The following HOPX variants were observed in gnomAD, a reference collection of about 807,000 sequenced individuals.
HOPX encodes HOP homeobox.
HOPX carries 5 observed loss-of-function variants against 11.8 expected under a neutral mutation model. The observed-to-expected ratio is 0.43, with a 90% CI of 0.22 to 0.89. The LOEUF (loss-of-function observed/expected upper bound fraction) is 0.89. Ranked by LOEUF, HOPX falls within the 40% of genes least tolerant of loss-of-function variation. The pLI is 0.28. For missense variants in HOPX, 119 were observed against 120.0 expected (o/e 0.99, Z 0.04); for synonymous variants, 49 against 49.7 (o/e 0.99, Z 0.06).
upstream of HOPX, chr4:56,681,589 G>A: frequency 4.0e-6 from 4 of 1,000,060 alleles, no homozygotes; most frequent in Non-Finnish European, 4.8e-6. Flanking sequence ...GGATAAGAGA[G>A]ATGTGGCTGA....
intron 3 of HOPX, among the ~76,000 whole-genome samples, chr4:56,653,420 G>T (rs1578328590): frequency 6.6e-6 from 1 of 152,112 alleles, no homozygotes; most frequent in African/African-American, 2.4e-5. Flanking sequence ...GAAGATGAAA[G>T]AAGAAATCAT....
chr4:56,681,590 A>C (rs1719326942), upstream of HOPX: 3 of 999,942 alleles, frequency 3.0e-6, 1 homozygote, highest in African/African-American at 1.7e-5. Context: ...GATAAGAGAG[A>C]TGTGGCTGAG....
intron 1 of HOPX, chr4:56,680,892 A>G (rs1719292062): frequency 3.9e-6 from 1 of 257,480 alleles, no homozygotes; most frequent in Non-Finnish European, 6.1e-6. Context: ...ATGTAGAATA[A>G]CAATAATCTG....
At chr4:56,651,837 G>A (rs906630038) in intron 3 of HOPX, among the ~76,000 whole-genome samples, 1 of 150,388 alleles carries the variant, frequency 6.6e-6, no homozygotes, top group East Asian at 2.0e-4. Flanking sequence ...TGCTTGAATT[G>A]AAGAGAAAGG....
intron 3 of HOPX, chr4:56,650,555 G>A: frequency 1.0e-6 from 1 of 971,444 alleles, no homozygotes; most frequent in Non-Finnish European, 1.5e-6. Flanking sequence ...GGCTCTGCAG[G>A]ACTGCTTTGG....
intron 1 of HOPX, among the ~76,000 whole-genome samples, chr4:56,667,317 T>C (rs1422325483): frequency 1.3e-5 from 2 of 152,228 alleles, no homozygotes; most frequent in Non-Finnish European, 2.9e-5. Flanking sequence ...CGTTAGACAT[T>C]TTCAAAGAGA....
chr4:56,663,641 A>G (rs1430869791), intron 1 of HOPX: 4 of 152,066 alleles, frequency 2.6e-5, no homozygotes, highest in African/African-American at 9.7e-5. Flanking sequence ...ACCTGCCACC[A>G]CGCCCGACTA....
chr4:56,680,584 C>G (rs958146411), intron 1 of HOPX: 2 of 151,938 alleles, frequency 1.3e-5, no homozygotes, highest in South Asian at 2.1e-4. Flanking sequence ...CCTTTTTATT[C>G]AATGATTCTT....
At chr4:56,672,266 C>T (rs914394181) in intron 1 of HOPX, among the ~76,000 whole-genome samples, 1 of 151,916 alleles carries the variant, frequency 6.6e-6, no homozygotes, top group Non-Finnish European at 1.5e-5. Context: ...TGGCTGGGTA[C>T]AGTGGTTCAT....
rs1055935740 is a variant in HOPX, at chr4:56,654,047, T to C, written c.198+1810A>G. 4.6e-5 allele frequency among the ~76,000 whole-genome samples: 7 copies of C among 152,236 alleles called. 1 individual carries two copies. Among genetic ancestry groups the C allele is most frequent in the Admixed American group, 1.3e-4 (2 of 15,284 alleles). On this transcript the variant is annotated intron_variant, in intron 3 of 3. Coordinates refer to ENST00000420433, the MANE Select transcript of HOPX (RefSeq NM_032495.6). ...CCTCCTGCTCATCTAGTGATTTCTA[T>C]GCCTCCTCTGTAGAGAGAGCATAGC...
intron 1 of HOPX, chr4:56,664,870 T>C (rs1172780788): frequency 6.6e-6 from 1 of 152,226 alleles, no homozygotes; most frequent in Non-Finnish European, 1.5e-5. Flanking sequence ...AGGAAGGTGA[T>C]AACAAGGAGG....
chr4:56,663,578 C>T (rs1718269424), intron 1 of HOPX: 1 of 152,214 alleles, frequency 6.6e-6, no homozygotes, highest in African/African-American at 2.4e-5. Flanking sequence ...CTCCGCCTCC[C>T]AGATTCAAGC....
Position 56,655,980 on chromosome 4 carries a change from G to A in HOPX, c.75C>T (p.Ser25=), listed in dbSNP as rs1216376340. 1.9e-5 allele frequency: 31 copies of A among 1,606,810 alleles called. No individual in the cohort carries two copies. The highest frequency in any genetic ancestry group is 2.2e-5 in the Non-Finnish European group (26 of 1,177,190). ...TTTCCACCTGGTCCTCTGTGGGGCCGCTCGCGGTCTCCGCCGACATGGTCC... is the reference window on the plus strand; with the variant it reads ...TTTCCACCTGGTCCTCTGTGGGGCCACTCGCGGTCTCCGCCGACATGGTCC... ...RAGTMSAETA[S]GPTEDQVEIL... is the part of the protein sequence containing the mutation. Residue 25 remains serine (S), a synonymous_variant, in exon 3 of 4, where the codon AGC becomes AGT. Coordinates refer to ENST00000420433, the MANE Select transcript of HOPX (RefSeq NM_032495.6).
chr4:56,656,170 CG>C (rs1239998612), intron 2 of HOPX, 158 bp from the exon 3 acceptor site: 2 of 1,110,544 alleles, frequency 1.8e-6, no homozygotes, highest in Non-Finnish European at 2.3e-6. Flanking sequence ...GCACGCTGAG[CG>C]GGGGCTTACG....
chr4:56,656,906 A>G (rs1050000614), intron 2 of HOPX, among the ~76,000 whole-genome samples: 2 of 152,204 alleles, frequency 1.3e-5, no homozygotes, highest in Non-Finnish European at 2.9e-5. Flanking sequence ...AGGACTTGCA[A>G]GATGGAGCCA....
intron 1 of HOPX, among the ~76,000 whole-genome samples, chr4:56,673,032 A>G (rs28664739): frequency 6.6e-6 from 1 of 152,052 alleles, no homozygotes; most frequent in Non-Finnish European, 1.5e-5. Flanking sequence ...AAAACATAAA[A>G]CCTCTAGCCC....
At chr4:56,673,055 TTC>T (rs1208818828) in intron 1 of HOPX, among the ~76,000 whole-genome samples, 1 of 152,198 alleles carries the variant, frequency 6.6e-6, no homozygotes, top group Non-Finnish European at 1.5e-5. Context: ...TCCTTTCCCT[TTC>T]TGTTTCCCAT....
In HOPX at chr4:56,657,779, TC is replaced by T; in HGVS notation, c.37del (p.Glu13LysfsTer91). On this transcript the variant is annotated frameshift_variant, in exon 2 of 4. Transcript: ENST00000420433. LOFTEE classifies it high-confidence loss of function. ...IFLGCYRRRL[E>X]ERAGTMSAET... The stretch of plus-strand genomic sequence containing the variant: ...GGGAAGAACCTTGGAAATTACCTCT[TC>T]CAGTCTTCTTCTGTAACAGCCCAGG... The T allele has an allele frequency of 8.1e-7, 1 of 1,227,832 alleles. No individual in the cohort carries two copies. 76.1% of individuals were successfully genotyped at this position (1,227,832 alleles called of 1,614,324 possible).
intron 3 of HOPX, 122 bp downstream of exon 3, chr4:56,655,735 A>C: frequency 8.6e-7 from 1 of 1,168,178 alleles, no homozygotes; most frequent in Non-Finnish European, 1.2e-6. Flanking sequence ...TGCGGGCAGA[A>C]GCGATGGGAG....
Sources: allele counts gnomAD v4.1 joint callset (sites outside exome capture counted in the v4.1 genomes callset), GRCh38; gene constraint gnomAD v4.1.1; transcripts MANE v1.5; gene names NCBI Gene and HGNC (gene_info 2026-07-23, HGNC 2026-07-21).